PIK3AP1: variants seen among roughly 807,000 people sequenced by gnomAD.
PIK3AP1 encodes phosphoinositide 3-kinase adapter protein 1.
Under a neutral mutation model 88.1 loss-of-function variants are expected in PIK3AP1, and 21 were observed. The observed-to-expected ratio is 0.24, with a 90% confidence interval of 0.17 to 0.34. The LOEUF is 0.34. Ranked by LOEUF, PIK3AP1 falls within the 10% of genes least tolerant of loss-of-function variation. The pLI is 1.00. For synonymous variants in PIK3AP1, 398 were observed against 400.0 expected (o/e 1.00, Z 0.06); for missense variants, 828 against 1,035.7 (o/e 0.80, Z 2.75).
rs139678848 is a variant in PIK3AP1, at chr10:96,656,816, C to T, written c.549G>A (p.Pro183=). The change falls in exon 3 of 17, where the codon CCG becomes CCA. Residue 183 remains proline (P), a synonymous_variant. Coordinates refer to ENST00000339364, the MANE Select transcript of PIK3AP1 (RefSeq NM_152309.3). ...TGCCTACCCCACAGCGAATGCGGTC[C>T]GGCTGCACCACCATCAGGTTCCCAG... The part of the protein sequence containing the change: ...TSPGNLMVVQ[P]DRIRCGAETT... The T allele has an allele frequency of 1.8e-4, 291 of 1,614,074 alleles. 2 individuals are homozygous for T. In the African/African-American group the frequency reaches 2.6e-3, roughly 14 times the overall value.
chr10:96,660,872 T>A (rs1843676493), intron 2 of PIK3AP1, among the ~76,000 whole-genome samples: 1 of 152,098 alleles, frequency 6.6e-6, no homozygotes, highest in South Asian at 2.1e-4. Context: ...AAAACCTGAA[T>A]GCATATTACT....
chr10:96,683,511 C>A (rs1844029155), intron 2 of PIK3AP1, among the ~76,000 whole-genome samples: 1 of 152,170 alleles, frequency 6.6e-6, no homozygotes, highest in Admixed American at 6.5e-5. Context: ...ATCCCACTAA[C>A]AAATTAATGA....
intron 2 of PIK3AP1, among the ~76,000 whole-genome samples, chr10:96,683,002 T>C (rs1200434085): frequency 6.6e-6 from 1 of 152,190 alleles, no homozygotes; most frequent in East Asian, 1.9e-4. Context: ...CCCCAAATGG[T>C]GGCCATCATT....
intron 13 of PIK3AP1, 116 bp from the exon 14 acceptor site, chr10:96,609,983 G>A (rs1216446816): frequency 2.2e-6 from 3 of 1,335,686 alleles, no homozygotes; most frequent in Non-Finnish European, 2.1e-6. Context: ...GGAAGGGGAA[G>A]GGGAAGGGAA....
chr10:96,632,972 T>A, intron 8 of PIK3AP1: 9 of 1,612,868 alleles, frequency 5.6e-6, no homozygotes, highest in Non-Finnish European at 6.8e-6. Flanking sequence ...AGAGCTGGTC[T>A]TCCTTTGAGC....
intron 10 of PIK3AP1, among the ~76,000 whole-genome samples, chr10:96,626,116 A>G (rs1212471021): frequency 2.0e-5 from 3 of 152,224 alleles, no homozygotes; most frequent in Non-Finnish European, 4.4e-5. Context: ...TGAAACTAAC[A>G]ATGCTATCAG....
intron 13 of PIK3AP1, among the ~76,000 whole-genome samples, chr10:96,613,085 G>A (rs1404812480): frequency 6.5e-5 from 9 of 138,516 alleles, no homozygotes; most frequent in African/African-American, 1.4e-4. Context: ...TGCAGCCTCC[G>A]CCTCCCAGGT....
At chr10:96,687,048 A>G (rs761497095) in intron 2 of PIK3AP1, among the ~76,000 whole-genome samples, 6 of 151,938 alleles carry the variant, frequency 3.9e-5, no homozygotes, top group Non-Finnish European at 5.9e-5. Context: ...CAAAGTCAGG[A>G]GATCGAGACC....
intron 2 of PIK3AP1, among the ~76,000 whole-genome samples, chr10:96,661,268 T>G (rs1843682199): frequency 6.6e-6 from 1 of 151,762 alleles, no homozygotes; most frequent in South Asian, 2.1e-4. Flanking sequence ...TATGGATCAC[T>G]GATTGCCAGT....
At chr10:96,646,485 C>T (rs1843461795) in intron 7 of PIK3AP1, among the ~76,000 whole-genome samples, 1 of 152,062 alleles carries the variant, frequency 6.6e-6, no homozygotes, top group South Asian at 2.1e-4. Flanking sequence ...GTGGTTCCTC[C>T]AAAGGGAAAA....
At chr10:96,651,219 G>A (rs182886172) in intron 6 of PIK3AP1, 29 bp downstream of exon 6, 3 of 1,613,998 alleles carry the variant, frequency 1.9e-6, no homozygotes, top group Non-Finnish European at 2.5e-6. Context: ...AGCCCACGTT[G>A]GTTTCCTGAG....
At chr10:96,653,636 T>C (rs1423830588) in intron 3 of PIK3AP1, among the ~76,000 whole-genome samples, 1 of 151,562 alleles carries the variant, frequency 6.6e-6, no homozygotes, top group Non-Finnish European at 1.5e-5. Context: ...TACAGACACC[T>C]GCCACCACAC....
chr10:96,615,756 A>G (rs1849204820), intron 13 of PIK3AP1, among the ~76,000 whole-genome samples: 3 of 152,288 alleles, frequency 2.0e-5, no homozygotes, highest in Middle Eastern at 3.4e-3. Context: ...GCATGGCATG[A>G]GCAAGGGGTC....
intron 8 of PIK3AP1, among the ~76,000 whole-genome samples, chr10:96,640,369 C>T (rs1164780318): frequency 8.5e-4 from 2 of 2,348 alleles, no homozygotes; most frequent in Non-Finnish European, 0.043. Flanking sequence ...CCAGAACTGC[C>T]CCCCCAAGGC....
At position 96,698,402 on chromosome 10, in the gene PIK3AP1, G is replaced by A. The variant is rs939366161; in HGVS notation, c.430+11165C>T. On this transcript the variant is annotated intron_variant, in intron 2 of 16. Transcript: ENST00000339364. ...GCTGTGGCTCACGCCTGTAATTCCA[G>A]CACTTTGAGAGGCTGAGGCAGATGG... 3.9e-5 allele frequency among the ~76,000 whole-genome samples: 6 copies of A among 152,156 alleles called. 1 individual carries two copies. The highest frequency in any genetic ancestry group is 4.1e-4 in the South Asian group (2 of 4,830).
intron 2 of PIK3AP1, among the ~76,000 whole-genome samples, chr10:96,668,613 A>G (rs1843798172): frequency 6.6e-6 from 1 of 152,182 alleles, no homozygotes; most frequent in Non-Finnish European, 1.5e-5. Flanking sequence ...AGAAACAGTC[A>G]CTGGGGCCAG....
intron 8 of PIK3AP1, among the ~76,000 whole-genome samples, chr10:96,641,211 C>G (rs1005382124): frequency 6.6e-5 from 10 of 152,020 alleles, no homozygotes; most frequent in Admixed American, 1.3e-4. Flanking sequence ...CAGAACCCAA[C>G]ACCTCTCTCC....
At chr10:96,687,584 C>A (rs1844091274) in intron 2 of PIK3AP1, among the ~76,000 whole-genome samples, 2 of 152,136 alleles carry the variant, frequency 1.3e-5, no homozygotes, top group Admixed American at 1.3e-4. Context: ...TTCCAGTCAC[C>A]CACGCTCAAA....
chr10:96,654,086 G>A (rs889374622), intron 3 of PIK3AP1, among the ~76,000 whole-genome samples: 9 of 152,258 alleles, frequency 5.9e-5, no homozygotes, highest in East Asian at 3.9e-4. Context: ...CAGCCTGAGA[G>A]AAGCCCTCCT....
Sources: allele counts gnomAD v4.1 joint callset (sites outside exome capture counted in the v4.1 genomes callset), GRCh38; gene constraint gnomAD v4.1.1; transcripts MANE v1.5; gene names NCBI Gene and HGNC (gene_info 2026-07-23, HGNC 2026-07-21).